Variants in C4orf54 observed in about 807,000 individuals in gnomAD.
C4orf54 encodes the protein chromosome 4 open reading frame 54.
In C4orf54, 67 loss-of-function variants were observed where a neutral mutation model predicts 80.1. That is an observed-to-expected ratio of 0.84 (90% CI 0.69 to 1.03). The LOEUF is 1.03. C4orf54 is among the 50% of genes least tolerant of loss of function. C4orf54 has a pLI of 0.00. For missense variants in C4orf54, 2,434 were observed against 2,253.5 expected, an observed-to-expected ratio of 1.08 and a Z score of -1.62; for synonymous variants, 1,000 against 917.0, an observed-to-expected ratio of 1.09 and a Z score of -1.64.
At position 99,649,754 on chromosome 4, in the gene C4orf54, G is replaced by A. The variant is rs1726766935; in HGVS notation, c.4895C>T (p.Thr1632Ile). The change falls in exon 2 of 3, where the codon ACC becomes ATC. Residue 1632 changes from threonine to isoleucine, a missense_variant. Coordinates refer to ENST00000511828, the MANE Select transcript of C4orf54 (RefSeq NM_001354435.2). ...YLVDTPVQPM[T>I]RRLFDPETGQ... ...TGTCTCAGGGTCAAACAGTCTCCGG[G>A]TCATGGGCTGTACTGGTGTGTCCAC... 10 of 1,536,218 alleles carry A rather than the reference G, an allele frequency of 6.5e-6. No individual in the cohort carries two copies. Among genetic ancestry groups the A allele is most frequent in the Non-Finnish European group, 7.0e-6 (8 of 1,146,904 alleles).
Position 99,640,197 on chromosome 4 carries a change from A to G in C4orf54, c.*1036T>C, listed in dbSNP as rs1260477852. On this transcript the variant is annotated 3_prime_UTR_variant, in exon 3 of 3. Coordinates refer to ENST00000511828, the MANE Select transcript of C4orf54 (RefSeq NM_001354435.2). Reference sequence around the variant, plus strand: ...AAAGATTCTGTGATTTGGATTCTTGACATCTCTTCAAACCTGCCTCATCCT... The same window carrying G: ...AAAGATTCTGTGATTTGGATTCTTGGCATCTCTTCAAACCTGCCTCATCCT... The G allele has an allele frequency of 2.6e-5, 4 of 152,156 alleles. No individual in the cohort carries two copies. The highest frequency in any genetic ancestry group is 5.9e-5 in the Non-Finnish European group (4 of 67,992). 9.4% of individuals were successfully genotyped at this position (152,156 alleles called of 1,614,324 possible).
rs1191764490 is a variant in C4orf54, at chr4:99,638,426, T to A, written c.*2807A>T. On this transcript the variant is annotated 3_prime_UTR_variant, in exon 3 of 3. Transcript: ENST00000511828. Reference sequence around the variant, plus strand: ...ATTTTATCAACAAGTAAAAAGTGGATCTTCTGGAAAACTAAGCCACACATA... The same window carrying A: ...ATTTTATCAACAAGTAAAAAGTGGAACTTCTGGAAAACTAAGCCACACATA... 1.3e-5 allele frequency: 2 copies of A among 152,128 alleles called. No homozygotes were observed. Among genetic ancestry groups the A allele is most frequent in the Non-Finnish European group, 2.9e-5 (2 of 67,988 alleles). 9.4% of individuals were successfully genotyped at this position (152,128 alleles called of 1,614,324 possible).
intron 1 of C4orf54, among the ~76,000 whole-genome samples, chr4:99,656,975 T>C (rs896547382): frequency 6.6e-6 from 1 of 152,248 alleles, no homozygotes; most frequent in Non-Finnish European, 1.5e-5. Flanking sequence ...AACTTGTTTG[T>C]TTTTTCTGGT....
At position 99,637,622 on chromosome 4, in the gene C4orf54, G is replaced by C. The variant is rs565489865; in HGVS notation, c.*3611C>G. 19 of 152,232 alleles carry C rather than the reference G, an allele frequency of 1.2e-4. 1 individual carries two copies. The highest frequency in any genetic ancestry group is 4.6e-4 in the African/African-American group (19 of 41,548). The allele number at this position is 152,232 out of a possible 1,614,324, so 9.4% of individuals were successfully genotyped here. On this transcript the variant is annotated 3_prime_UTR_variant, in exon 3 of 3. Transcript: ENST00000511828. ...ATATCTCCTTAGAAATTATGTGAAA[G>C]CCTAACATATTTTGTGAATTTGATT...
rs534312568 is a variant in C4orf54, at chr4:99,639,960, A to T, written c.*1273T>A. ...AAATAAAAGGAGATTCTTAAAAAAA[A>T]ATCCTGGGAAAACCTTCAAATTATT... On this transcript the variant is annotated 3_prime_UTR_variant, in exon 3 of 3. Coordinates refer to ENST00000511828, the MANE Select transcript of C4orf54 (RefSeq NM_001354435.2). 3.9e-5 allele frequency: 6 copies of T among 152,252 alleles called. No homozygotes were observed. The East Asian group carries it at 1.2e-3, about 29-fold the overall frequency. 9.4% of individuals were successfully genotyped at this position (152,252 alleles called of 1,614,324 possible). A position where few individuals can be genotyped will look rare whatever the true frequency, so the allele number is the denominator to read the frequency against.
rs912098102 is a variant in C4orf54 at position 99,639,538 on chromosome 4, A to G, written c.*1695T>C. ...TTTATACACAGAGACTATGTTTCATATTTCATGTCTCATAAAGTCTATAGC... is the reference window on the plus strand; with the variant it reads ...TTTATACACAGAGACTATGTTTCATGTTTCATGTCTCATAAAGTCTATAGC... On this transcript the variant is annotated 3_prime_UTR_variant, in exon 3 of 3. Coordinates refer to ENST00000511828, the MANE Select transcript of C4orf54 (RefSeq NM_001354435.2). The G allele has an allele frequency of 9.2e-5, 14 of 152,084 alleles. No homozygotes were observed. Among genetic ancestry groups the G allele is most frequent in the Non-Finnish European group, 1.5e-4 (10 of 67,964 alleles). The allele number at this position is 152,084 out of a possible 1,614,324, so 9.4% of individuals were successfully genotyped here.
rs1454298347 is a variant in C4orf54 at position 99,653,364 on chromosome 4, T to C, written c.1285A>G (p.Asn429Asp). Residue 429 changes from asparagine (N) to aspartate (D), a missense_variant, in exon 2 of 3, where the codon AAC (asparagine) becomes GAC (aspartate). By Grantham distance (23) the Asn-to-Asp change is conservative. Coordinates refer to ENST00000511828, the MANE Select transcript of C4orf54 (RefSeq NM_001354435.2). ...GGAGTGGTGCTGAGGTAGCAGCTGT[T>C]GTCGTCGTCCTCTTCGGTCAGACTG... ...ITSLTEEDDDNSCYLSTTPST... is the reference protein window; with the variant it reads ...ITSLTEEDDDDSCYLSTTPST... The C allele has an allele frequency of 3.3e-6, 5 of 1,536,176 alleles. No individual in the cohort carries two copies. Among genetic ancestry groups the C allele is most frequent in the Non-Finnish European group, 4.4e-6 (5 of 1,146,772 alleles).
At chr4:99,643,739 A>AACACACAC (rs754039570) in intron 2 of C4orf54, among the ~76,000 whole-genome samples, 2,958 of 98,756 alleles carry the variant, frequency 0.03, 116 homozygotes, top group Non-Finnish European at 0.042. Flanking sequence ...CCCAAGCCAC[A>AACACACAC]ACACACACAC....
At chr4:99,655,622 A>G (rs1422369654) in intron 1 of C4orf54, among the ~76,000 whole-genome samples, 2 of 152,194 alleles carry the variant, frequency 1.3e-5, no homozygotes, top group Admixed American at 6.5e-5. Flanking sequence ...ACTGGCTCTG[A>G]GGTACCTCCA....
intron 2 of C4orf54, among the ~76,000 whole-genome samples, chr4:99,644,577 G>A (rs1030300736): frequency 6.6e-6 from 1 of 152,016 alleles, no homozygotes; most frequent in African/African-American, 2.4e-5. Flanking sequence ...AAACGTCTAG[G>A]TTATAGCCTG....
chr4:99,650,972 G>A lies in C4orf54; in HGVS notation c.3677C>T (p.Ala1226Val). ...CTTCTCTGGGGTCTTCTGGGTGGAA[G>A]CCTTGGAGACAATCTTGAGCACAGG... ...YLPVLKIVSK[A>V]STQKTPEKLK... Residue 1226 changes from alanine to valine, a missense_variant, in exon 2 of 3, where the codon GCT (alanine) becomes GTT (valine). Transcript: ENST00000511828. 1 of 1,536,128 alleles carries A rather than the reference G, an allele frequency of 6.5e-7. No individual in the cohort carries two copies. Among genetic ancestry groups the A allele is most frequent in the Non-Finnish European group, 8.7e-7 (1 of 1,146,918 alleles).
At position 99,649,765 on chromosome 4, in the gene C4orf54, T is replaced by C. The variant is rs1322626961; in HGVS notation, c.4884A>G (p.Val1628=). 2 of 1,536,254 alleles carry C rather than the reference T, an allele frequency of 1.3e-6. No homozygotes were observed. The highest frequency in any genetic ancestry group is 2.0e-5 in the Admixed American group (1 of 51,006). The change falls in exon 2 of 3, where the codon GTA becomes GTG. Residue 1628 remains valine, a synonymous_variant. Transcript: ENST00000511828. The part of the protein sequence containing the change: ...TGQYYLVDTP[V]QPMTRRLFDP... ...CAAACAGTCTCCGGGTCATGGGCTGTACTGGTGTGTCCACCAGATAGTACT... is the reference window on the plus strand; with the variant it reads ...CAAACAGTCTCCGGGTCATGGGCTGCACTGGTGTGTCCACCAGATAGTACT...
rs1307171651 is a variant in C4orf54 at position 99,651,394 on chromosome 4, G to A, written c.3255C>T (p.Pro1085=). ...CTCTGATGTCTCTCACCTGGAAATG[G>A]GGCACTTTTTCTAGGTTGTCCCCGC... is the stretch of plus-strand genomic sequence containing the variant. ...LFRGDNLEKV[P]HFQVRDIRDK... is the part of the protein sequence containing the mutation. The change falls in exon 2 of 3, where the codon CCC becomes CCT. Residue 1085 remains proline (P), a synonymous_variant. Transcript: ENST00000511828. The A allele has an allele frequency of 2.0e-6, 3 of 1,536,228 alleles. No homozygotes were observed. The highest frequency in any genetic ancestry group is 1.7e-6 in the Non-Finnish European group (2 of 1,146,916).
At chr4:99,655,569 C>T (rs1295515057) in intron 1 of C4orf54, among the ~76,000 whole-genome samples, 2 of 152,150 alleles carry the variant, frequency 1.3e-5, no homozygotes, top group East Asian at 3.9e-4. Flanking sequence ...GGAAATGTGA[C>T]CCACTGGCAT....
intron 2 of C4orf54, 148 bp downstream of exon 2, chr4:99,649,083 G>T: frequency 1.2e-6 from 1 of 821,868 alleles, no homozygotes; most frequent in Non-Finnish European, 1.8e-6. Flanking sequence ...TATCCCCTTT[G>T]TAAATTGGAT....
At position 99,649,810 on chromosome 4, in the gene C4orf54, G is replaced by C; in HGVS notation, c.4839C>G (p.Leu1613=). ...AQPQQTQRKM[L]LDVTTGQYYL... Reference sequence around the variant, plus strand: ...AGTACTGGCCTGTTGTCACATCCAGGAGCATCTTACGCTGGGTCTGTTGAG... The same window carrying C: ...AGTACTGGCCTGTTGTCACATCCAGCAGCATCTTACGCTGGGTCTGTTGAG... Residue 1613 remains leucine, a synonymous_variant, in exon 2 of 3, where the codon CTC becomes CTG. Coordinates refer to ENST00000511828, the MANE Select transcript of C4orf54 (RefSeq NM_001354435.2). 6.5e-7 allele frequency: 1 copy of C among 1,536,200 alleles called. No individual in the cohort carries two copies.
rs761210626 is a variant in C4orf54, at chr4:99,649,553, C to G, written c.5096G>C (p.Arg1699Pro). 6.5e-7 allele frequency: 1 copy of G among 1,536,114 alleles called. No individual in the cohort carries two copies. The highest frequency in any genetic ancestry group is 1.2e-5 in the South Asian group (1 of 84,060). The stretch of plus-strand genomic sequence containing the variant: ...GGAGAGCTCACTTCCTCTTGGAGCG[C>G]GAGCAATTGGTGTGGGCTGCAGAGC... ...TNALQPTPIA[R>P]APRGSELSPM... Residue 1699 changes from arginine to proline, a missense_variant, in exon 2 of 3, where the codon CGC (arginine) becomes CCC (proline). Transcript: ENST00000511828.
intron 2 of C4orf54, among the ~76,000 whole-genome samples, chr4:99,644,650 C>T (rs933855848): frequency 1.2e-4 from 18 of 151,858 alleles, no homozygotes; most frequent in Admixed American, 5.3e-4. Context: ...AGATGACTTG[C>T]GTGGGCTCCA....
Position 99,654,572 on chromosome 4 carries a change from G to A in C4orf54, c.77C>T (p.Thr26Ile), listed in dbSNP as rs1382507028. ...AASSVADGIQ[T>I]PRCCRRCQAN... ...CTGGCACCGTCGGCAGCAGCGAGGA[G>A]TCTGAATGCCATCGGCCACGGAAGA... The change falls in exon 2 of 3, where the codon ACT becomes ATT. Residue 26 changes from threonine to isoleucine, a missense_variant. Coordinates refer to ENST00000511828, the MANE Select transcript of C4orf54 (RefSeq NM_001354435.2). 5.7e-6 allele frequency: 4 copies of A among 702,822 alleles called. No individual in the cohort carries two copies. The highest frequency in any genetic ancestry group is 1.0e-5 in the Non-Finnish European group (4 of 384,882). The allele number at this position is 702,822 out of a possible 1,614,324, so 43.5% of individuals were successfully genotyped here.
Sources: allele counts gnomAD v4.1 joint callset (sites outside exome capture counted in the v4.1 genomes callset), GRCh38; gene constraint gnomAD v4.1.1; transcripts MANE v1.5; gene names NCBI Gene and HGNC (gene_info 2026-07-23, HGNC 2026-07-21).